The following NTAQ1 variants were observed in gnomAD, a reference collection of about 807,000 sequenced individuals.
NTAQ1 encodes the protein protein N-terminal glutamine amidohydrolase.
A neutral mutation model predicts 28.2 loss-of-function variants in NTAQ1; 21 were observed. That is an observed-to-expected ratio of 0.74 (90% CI 0.53 to 1.07). The LOEUF (loss-of-function observed/expected upper bound fraction) is 1.07. NTAQ1 is among the 50% of genes least tolerant of loss of function. The pLI is 0.00. For synonymous variants in NTAQ1, 105 were observed against 90.0 expected, an observed-to-expected ratio of 1.17 and a Z score of -0.94; for missense variants, 264 against 256.6, an observed-to-expected ratio of 1.03 and a Z score of -0.20.
At chr8:123,454,786 C>G (rs1815600405) in intron 6 of NTAQ1, among the ~76,000 whole-genome samples, 2 of 152,164 alleles carry the variant, frequency 1.3e-5, no homozygotes, top group Non-Finnish European at 2.9e-5. Context: ...ATTCTACCAT[C>G]AAGAAGATCA....
At chr8:123,470,948 T>C (rs967166063), downstream of NTAQ1, among the ~76,000 whole-genome samples, 20 of 151,490 alleles carry the variant, frequency 1.3e-4, no homozygotes, top group Non-Finnish European at 2.7e-4. Context: ...TGAGACAGGA[T>C]AGCACGCTGT....
chr8:123,435,484 T>A (rs1814647426), intron 3 of NTAQ1: 1 of 985,350 alleles, frequency 1.0e-6, no homozygotes, highest in African/African-American at 1.7e-5. Flanking sequence ...TTGGAGCAGA[T>A]CCTTGCAGAC....
At chr8:123,466,841 G>T (rs978632336) in intron 6 of NTAQ1, among the ~76,000 whole-genome samples, 2 of 152,102 alleles carry the variant, frequency 1.3e-5, no homozygotes, top group Non-Finnish European at 2.9e-5. Flanking sequence ...ACAGTAAAGG[G>T]ATGATGGAAG....
rs1397569785 is a variant in NTAQ1, at chr8:123,419,104, T to TC, written c.83+2172_83+2173insC. On this transcript the variant is annotated intron_variant, in intron 1 of 5. Coordinates refer to ENST00000287387, the MANE Select transcript of NTAQ1 (RefSeq NM_018024.3). The stretch of plus-strand genomic sequence containing the variant: ...GGGTTTTTTTTTTTTTTTTTTTTTT[T>TC]TTTTTTTTTTTTGAGACAGAGTCTC... 8.5e-5 allele frequency among the ~76,000 whole-genome samples: 3 copies of TC among 35,250 alleles called. 1 individual carries two copies. Among genetic ancestry groups the TC allele is most frequent in the Non-Finnish European group, 2.1e-4 (3 of 14,106 alleles). 23.1% of individuals were successfully genotyped at this position (35,250 alleles called of 152,430 possible).
intron 6 of NTAQ1, among the ~76,000 whole-genome samples, chr8:123,464,002 G>T (rs529236503): frequency 6.6e-6 from 1 of 152,132 alleles, no homozygotes; most frequent in Admixed American, 6.6e-5. Flanking sequence ...GGACTCCCCC[G>T]CACATGCTGT....
In NTAQ1 at chr8:123,436,439, A is replaced by C. The variant is rs1814715821; in HGVS notation, c.235-14A>C. ...TGAAGTAACTTGGTTAACTTCAGCAACTTTTACTTTTAGGATTACCATGTT... is the reference window on the plus strand; with the variant it reads ...TGAAGTAACTTGGTTAACTTCAGCACCTTTTACTTTTAGGATTACCATGTT... On this transcript the variant is annotated splice_polypyrimidine_tract_variant and intron_variant, in intron 3 of 5. Coordinates refer to ENST00000287387, the MANE Select transcript of NTAQ1 (RefSeq NM_018024.3). 6.2e-7 allele frequency: 1 copy of C among 1,612,016 alleles called. No homozygotes were observed. Among genetic ancestry groups the C allele is most frequent in the Non-Finnish European group, 8.5e-7 (1 of 1,179,048 alleles).
chr8:123,419,968 G>A (rs1187407233), intron 1 of NTAQ1, among the ~76,000 whole-genome samples: 1 of 151,870 alleles, frequency 6.6e-6, no homozygotes, highest in African/African-American at 2.4e-5. Flanking sequence ...TGTTACATGG[G>A]TAAAGTGTAT....
chr8:123,427,136 A>G (rs1294264345), intron 1 of NTAQ1, among the ~76,000 whole-genome samples: 2 of 152,084 alleles, frequency 1.3e-5, no homozygotes, highest in Non-Finnish European at 2.9e-5. Context: ...CCATTTCTAA[A>G]GAGAGCAGGG....
chr8:123,469,262 A>G (rs977880281), exon 7 of NTAQ1, among the ~76,000 whole-genome samples: 16 of 152,152 alleles, frequency 1.1e-4, no homozygotes, highest in African/African-American at 2.9e-4. Context: ...TTTGTTGCCT[A>G]TGCATTTAGT....
At chr8:123,419,733 G>GCCCTCCCTCCCC (rs1563879102) in intron 1 of NTAQ1, among the ~76,000 whole-genome samples, 1 of 71,240 alleles carries the variant, frequency 1.4e-5, no homozygotes, top group Non-Finnish European at 2.7e-5. Flanking sequence ...CAAATCCACA[G>GCCCTCCCTCCCC]CCCTCCCTCC....
At chr8:123,437,061 A>G in intron 4 of NTAQ1, 149 bp from the exon 5 acceptor site, 2 of 1,016,166 alleles carry the variant, frequency 2.0e-6, no homozygotes, top group Admixed American at 2.8e-5. Context: ...TGCTTCTCTA[A>G]TAGGTAGTAA....
downstream of NTAQ1, among the ~76,000 whole-genome samples, chr8:123,442,596 GAAAA>G (rs80278009): frequency 2.4e-5 from 3 of 124,950 alleles, no homozygotes; most frequent in African/African-American, 3.0e-5. Flanking sequence ...CTCCATCTCA[GAAAA>G]AAAAAAAAAA....
chr8:123,461,980 T>C (rs1048381143), intron 6 of NTAQ1, among the ~76,000 whole-genome samples: 1 of 152,192 alleles, frequency 6.6e-6, no homozygotes, highest in African/African-American at 2.4e-5. Context: ...TTGGAAATAA[T>C]GTGTGAGACA....
chr8:123,441,669 A>C lies in NTAQ1; in HGVS notation c.*254A>C. 2.1e-6 allele frequency: 1 copy of C among 467,058 alleles called. No individual in the cohort carries two copies. The highest frequency in any genetic ancestry group is 3.9e-6 in the Non-Finnish European group (1 of 257,442). 28.9% of individuals were successfully genotyped at this position (467,058 alleles called of 1,614,324 possible). A position where few individuals can be genotyped will look rare whatever the true frequency, so the allele number is the denominator to read the frequency against. The stretch of plus-strand genomic sequence containing the variant: ...CCTGTGGCTCATGCGTTACAACACG[A>C]GGACTTAAGCCAGTAATCGTTTTTG... On this transcript the variant is annotated 3_prime_UTR_variant, in exon 6 of 6. Coordinates refer to ENST00000287387, the MANE Select transcript of NTAQ1 (RefSeq NM_018024.3).
intron 1 of NTAQ1, among the ~76,000 whole-genome samples, chr8:123,422,295 A>G (rs1387204885): frequency 9.8e-6 from 1 of 102,428 alleles, no homozygotes; most frequent in Admixed American, 9.9e-5. Flanking sequence ...TTTTTTTTTG[A>G]GACAGGGTCT....
intron 3 of NTAQ1, among the ~76,000 whole-genome samples, chr8:123,431,469 T>C (rs570108894): frequency 1.4e-4 from 21 of 152,330 alleles, no homozygotes; most frequent in African/African-American, 5.1e-4. Flanking sequence ...TATCATTTGA[T>C]TGGCTTCGCT....
At chr8:123,449,163 T>C (rs1815391589), downstream of NTAQ1, among the ~76,000 whole-genome samples, 2 of 152,150 alleles carry the variant, frequency 1.3e-5, no homozygotes, top group African/African-American at 4.8e-5. Flanking sequence ...TGGACAGCAG[T>C]GTTCTGACTG....
chr8:123,436,728 TTAAGA>T (rs1814740138), intron 4 of NTAQ1, 127 bp downstream of exon 4: 20 of 991,368 alleles, frequency 2.0e-5, no homozygotes, highest in Admixed American at 6.0e-5. Flanking sequence ...GAGTTGATGT[TTAAGA>T]ATGATGTATT....
chr8:123,445,646 C>T (rs1216967730), downstream of NTAQ1, among the ~76,000 whole-genome samples: 1 of 152,120 alleles, frequency 6.6e-6, no homozygotes, highest in East Asian at 1.9e-4. Context: ...CACTCTGTTG[C>T]CCAGGTTGGA....
Sources: allele counts gnomAD v4.1 joint callset (sites outside exome capture counted in the v4.1 genomes callset), GRCh38; gene constraint gnomAD v4.1.1; transcripts MANE v1.5; gene names NCBI Gene and HGNC (gene_info 2026-07-23, HGNC 2026-07-21).